SRBD1: variants seen among roughly 807,000 people sequenced by gnomAD.
SRBD1 encodes the protein S1 RNA-binding domain-containing protein 1.
In SRBD1, 88 loss-of-function variants were observed where a neutral mutation model predicts 115.3. The ratio of observed to expected loss-of-function variants is 0.76; its 90% CI spans 0.64 to 0.91. The LOEUF (loss-of-function observed/expected upper bound fraction) is 0.91. Among genes scored for constraint, SRBD1 ranks in the 40% least tolerant of loss-of-function variants. The pLI is 0.00. For missense variants in SRBD1, 1,385 were observed against 1,177.4 expected, an observed-to-expected ratio of 1.18 and a Z score of -2.58; for synonymous variants, 509 against 407.7, an observed-to-expected ratio of 1.25 and a Z score of -2.99.
chr2:45,398,499 T>C (rs1286353003), intron 19 of SRBD1, among the ~76,000 whole-genome samples: 2 of 152,194 alleles, frequency 1.3e-5, no homozygotes, highest in African/African-American at 2.4e-5. Flanking sequence ...ACTAAATGTT[T>C]CCTGCTTTTT....
In SRBD1 at chr2:45,494,208, G is replaced by A. The variant is rs140261339; in HGVS notation, c.1875-5877C>T. On this transcript the variant is annotated intron_variant, in intron 14 of 20. Transcript: ENST00000263736. Reference sequence around the variant, plus strand: ...TTAAAACTGGGTAAAGAAAAAGCAGGCTTATGTAATATAATGTTAATAGTA... The same window carrying A: ...TTAAAACTGGGTAAAGAAAAAGCAGACTTATGTAATATAATGTTAATAGTA... 6.0e-3 allele frequency among the ~76,000 whole-genome samples: 916 copies of A among 152,044 alleles called. 8 individuals carry two copies. Among genetic ancestry groups the A allele is most frequent in the African/African-American group, 0.019 (781 of 41,502 alleles).
chr2:45,439,534 T>C (rs746876344), intron 16 of SRBD1, among the ~76,000 whole-genome samples: 2 of 151,418 alleles, frequency 1.3e-5, no homozygotes, highest in Non-Finnish European at 2.9e-5. Context: ...CAAAGAAGTA[T>C]AGCTGAAAAG....
At chr2:45,394,107 T>C (rs1399811787) in intron 19 of SRBD1, among the ~76,000 whole-genome samples, 1 of 152,230 alleles carries the variant, frequency 6.6e-6, no homozygotes, top group African/African-American at 2.4e-5. Flanking sequence ...ACTTCCATTA[T>C]ACTATCTAAA....
intron 14 of SRBD1, among the ~76,000 whole-genome samples, chr2:45,502,041 G>A (rs927785363): frequency 1.3e-5 from 2 of 152,178 alleles, no homozygotes; most frequent in African/African-American, 4.8e-5. Context: ...GCACCCCCCA[G>A]TAGGGGCAGA....
At chr2:45,401,117 G>T (rs994231946) in intron 19 of SRBD1, among the ~76,000 whole-genome samples, 1 of 152,008 alleles carries the variant, frequency 6.6e-6, no homozygotes, top group African/African-American at 2.4e-5. Context: ...TTACTTCTTG[G>T]GAACTAGAGT....
chr2:45,573,388 G>C, intron 8 of SRBD1, 46 bp from the exon 9 acceptor site: 2 of 1,568,752 alleles, frequency 1.3e-6, no homozygotes, highest in Non-Finnish European at 1.7e-6. Flanking sequence ...TTATTAATTT[G>C]TGCTTTAGTA....
chr2:45,490,345 C>G lies in SRBD1; in HGVS notation c.1875-2014G>C, dbSNP rs190606401. On this transcript the variant is annotated intron_variant, in intron 14 of 20. Transcript: ENST00000263736. ...TGTTTGTGTTTATATAAATTTTCCC[C>G]CAAGGAAAGCTGGTTCTAGCATTCA... Among the ~76,000 whole-genome samples, 4 of 151,998 alleles carry G rather than the reference C, an allele frequency of 2.6e-5. No individual in the cohort carries two copies. In the South Asian group the frequency reaches 8.3e-4, roughly 32 times the overall value.
At chr2:45,435,918 C>G (rs548161949) in intron 16 of SRBD1, among the ~76,000 whole-genome samples, 14 of 152,014 alleles carry the variant, frequency 9.2e-5, no homozygotes, top group African/African-American at 3.4e-4. Flanking sequence ...TCTATGAAAC[C>G]AGCATAACCT....
At chr2:45,535,398 C>G (rs1352459290) in intron 14 of SRBD1, among the ~76,000 whole-genome samples, 1 of 151,992 alleles carries the variant, frequency 6.6e-6, no homozygotes, top group Non-Finnish European at 1.5e-5. Flanking sequence ...TATTTTTCTA[C>G]TGTCCCTTCC....
intron 14 of SRBD1, among the ~76,000 whole-genome samples, chr2:45,493,539 G>A (rs563401313): frequency 2.6e-5 from 4 of 152,004 alleles, no homozygotes; most frequent in East Asian, 1.9e-4. Context: ...GGCCAGGCAC[G>A]GTGGCACACA....
In SRBD1 at chr2:45,545,215, G is replaced by A. The variant is rs1276161184; in HGVS notation, c.1874+1517C>T. On this transcript the variant is annotated intron_variant, in intron 14 of 20. Coordinates refer to ENST00000263736, the MANE Select transcript of SRBD1 (RefSeq NM_018079.5). ...GAGTGGCATGAACCTGGGACACAGA[G>A]CTTGCAGTGAGCCAAGATTGTGCCA... 2.8e-5 allele frequency among the ~76,000 whole-genome samples: 4 copies of A among 144,586 alleles called. No homozygotes were observed. In the East Asian group the frequency reaches 6.6e-4, roughly 24 times the overall value. 94.9% of individuals were successfully genotyped at this position (144,586 alleles called of 152,430 possible).
chr2:45,391,168 G>A (rs1666987707), intron 20 of SRBD1, among the ~76,000 whole-genome samples: 1 of 152,148 alleles, frequency 6.6e-6, no homozygotes, highest in African/African-American at 2.4e-5. Flanking sequence ...ATCAGAGTCA[G>A]GAACTACTTA....
intron 14 of SRBD1, among the ~76,000 whole-genome samples, chr2:45,530,143 A>C (rs1671568726): frequency 6.6e-6 from 1 of 152,012 alleles, no homozygotes; most frequent in African/African-American, 2.4e-5. Context: ...TTCAAAAGGT[A>C]GTGGGAATTT....
chr2:45,562,841 A>AC (rs1460843888), intron 9 of SRBD1, 85 bp from the exon 10 acceptor site: 1 of 798,066 alleles, frequency 1.3e-6, no homozygotes, highest in African/African-American at 1.8e-5. Flanking sequence ...AGCTATATGA[A>AC]TTTTTTACTC....
Position 45,574,709 on chromosome 2 carries a change from G to A in SRBD1, c.1087C>T (p.Gln363Ter), listed in dbSNP as rs767433984. 6.2e-7 allele frequency: 1 copy of A among 1,612,900 alleles called. No individual in the cohort carries two copies. Among genetic ancestry groups the A allele is most frequent in the Admixed American group, 1.7e-5 (1 of 59,740 alleles). The change falls in exon 8 of 21, where the codon CAG (glutamine) becomes TAG (stop). Residue 363 changes from glutamine (Q) to a stop codon, truncating the protein, a stop_gained. Transcript: ENST00000263736. LOFTEE classifies it high-confidence loss of function. Reference protein sequence around the residue: ...RPDVKGLSTLQDIEIGVQHIL... With the variant: ...RPDVKGLSTL Reference sequence around the variant, plus strand: ...TGCTGCACTCCTATTTCAATATCCTGAAGCGTTGAAAGCCCTTTAGGAGAA... The same window carrying A: ...TGCTGCACTCCTATTTCAATATCCTAAAGCGTTGAAAGCCCTTTAGGAGAA...
intron 19 of SRBD1, among the ~76,000 whole-genome samples, chr2:45,398,990 T>C (rs1353281880): frequency 6.6e-6 from 1 of 152,128 alleles, no homozygotes; most frequent in African/African-American, 2.4e-5. Context: ...GGAACTGTCT[T>C]AGAAATAAAT....
chr2:45,404,999 G>A (rs1260811058), intron 19 of SRBD1, among the ~76,000 whole-genome samples: 1 of 152,026 alleles, frequency 6.6e-6, no homozygotes, highest in Non-Finnish European at 1.5e-5. Flanking sequence ...TTTCTTAAAT[G>A]TCACCAAGTC....
intron 14 of SRBD1, among the ~76,000 whole-genome samples, chr2:45,527,927 G>T (rs775379241): frequency 1.3e-5 from 2 of 151,880 alleles, no homozygotes; most frequent in African/African-American, 2.4e-5. Context: ...AAAGGAAAGG[G>T]CACTTAAATG....
In SRBD1 at chr2:45,575,439, TTTC is replaced by T. The variant is rs1244393815; in HGVS notation, c.1073-719_1073-717del. 5.9e-5 allele frequency among the ~76,000 whole-genome samples: 9 copies of T among 152,354 alleles called. No individual in the cohort carries two copies. In the South Asian group the frequency reaches 1.7e-3, roughly 28 times the overall value. On this transcript the variant is annotated intron_variant, in intron 7 of 20. Transcript: ENST00000263736. Reference sequence around the variant, plus strand: ...AGATCATTTGCACTGCTTTGTTTCATTTCTTTTGTCTTTATCATTCTATTTGCA... The same window carrying T: ...AGATCATTTGCACTGCTTTGTTTCATTTTTGTCTTTATCATTCTATTTGCA...
Sources: allele counts gnomAD v4.1 joint callset (sites outside exome capture counted in the v4.1 genomes callset), GRCh38; gene constraint gnomAD v4.1.1; transcripts MANE v1.5; gene names NCBI Gene and HGNC (gene_info 2026-07-23, HGNC 2026-07-21).